GLDC: variants seen among roughly 807,000 people sequenced by gnomAD.
GLDC encodes the protein glycine decarboxylase, also known as glycine dehydrogenase (decarboxylating), mitochondrial.
GLDC carries 104 observed loss-of-function variants against 121.3 expected under a neutral mutation model. The observed-to-expected ratio is 0.86, with a 90% CI of 0.73 to 1.01. GLDC has a LOEUF of 1.01. Among genes scored for constraint, GLDC ranks in the 50% least tolerant of loss-of-function variants. The probability of loss-of-function intolerance (pLI) is 0.00; values close to 1 mark genes in which losing one functional copy is unlikely to be tolerated. For synonymous variants in GLDC, 546 were observed against 480.6 expected, an observed-to-expected ratio of 1.14 and a Z score of -1.78; for missense variants, 1,429 against 1,306.6, an observed-to-expected ratio of 1.09 and a Z score of -1.44.
chr9:6,559,692 G>A (rs773812649), intron 16 of GLDC, among the ~76,000 whole-genome samples: 2 of 151,634 alleles, frequency 1.3e-5, no homozygotes, highest in Non-Finnish European at 2.9e-5. Flanking sequence ...ACGCACGCCT[G>A]TAGTCCCAGC....
Position 6,595,071 on chromosome 9 carries a change from G to C in GLDC, c.1204C>G (p.His402Asp). Reference protein sequence around the residue: ...AAMFAIYHGSHGLEHIARRVH... With the variant: ...AAMFAIYHGSDGLEHIARRVH... ...CTCCTAGCAATATGCTCCAGCCCAT[G>C]GGAACCATGGTAGATTGCAAACATG... Residue 402 changes from histidine (H) to aspartate (D), a missense_variant, in exon 9 of 25, where the codon CAT becomes GAT. Transcript: ENST00000321612. 2 of 1,613,474 alleles carry C rather than the reference G, an allele frequency of 1.2e-6. No individual in the cohort carries two copies. The highest frequency in any genetic ancestry group is 1.7e-6 in the Non-Finnish European group (2 of 1,179,426).
intron 3 of GLDC, among the ~76,000 whole-genome samples, chr9:6,611,283 G>A (rs950100931): frequency 1.3e-5 from 2 of 152,220 alleles, no homozygotes; most frequent in Non-Finnish European, 2.9e-5. Context: ...CATCCTTACA[G>A]GCGAGAGCTA....
intron 3 of GLDC, among the ~76,000 whole-genome samples, chr9:6,618,536 G>A (rs927759356): frequency 1.3e-5 from 2 of 152,042 alleles, no homozygotes; most frequent in Non-Finnish European, 2.9e-5. Context: ...CAAACTCCCA[G>A]TCTCAGATGA....
chr9:6,567,135 TAAAA>T (rs58461989), intron 15 of GLDC: 1 of 137,012 alleles, frequency 7.3e-6, no homozygotes, highest in African/African-American at 2.7e-5. Context: ...AAATAAAAAA[TAAAA>T]AAAAAAAGAA....
intron 21 of GLDC, among the ~76,000 whole-genome samples, chr9:6,548,270 G>A (rs7863638): frequency 0.73 from 111,736 of 152,174 alleles, 42,217 homozygotes; most frequent in East Asian, 0.97. Flanking sequence ...CAAAATGTCC[G>A]TGTTGAGCAT....
intron 22 of GLDC, among the ~76,000 whole-genome samples, chr9:6,539,229 G>A (rs867097392): frequency 4.6e-5 from 7 of 152,104 alleles, no homozygotes; most frequent in Non-Finnish European, 1.0e-4. Context: ...TGTAATCCCA[G>A]CACTTTCGGA....
intron 1 of GLDC, chr9:6,644,951 T>A: frequency 1.6e-6 from 1 of 611,044 alleles, no homozygotes; most frequent in Non-Finnish European, 2.9e-6. Flanking sequence ...AATCAGGGGG[T>A]CTTCCTCCTC....
intron 9 of GLDC, among the ~76,000 whole-genome samples, chr9:6,593,733 C>T (rs1209358774): frequency 3.4e-5 from 5 of 148,772 alleles, no homozygotes; most frequent in Admixed American, 1.4e-4. Flanking sequence ...CACTCTGTTG[C>T]CCAGGATGGA....
At chr9:6,549,087 A>C (rs1222537344) in intron 21 of GLDC, among the ~76,000 whole-genome samples, 2 of 152,218 alleles carry the variant, frequency 1.3e-5, no homozygotes, top group East Asian at 3.8e-4. Context: ...TAATTGTTAT[A>C]GACAAAGGTT....
intron 22 of GLDC, among the ~76,000 whole-genome samples, chr9:6,537,099 C>T (rs950480762): frequency 1.4e-4 from 21 of 151,214 alleles, no homozygotes; most frequent in African/African-American, 4.1e-4. Context: ...GGCACACTCA[C>T]GGCTCACTGC....
At chr9:6,560,931 G>A (rs187517103) in intron 16 of GLDC, among the ~76,000 whole-genome samples, 1 of 152,340 alleles carries the variant, frequency 6.6e-6, no homozygotes, top group African/African-American at 2.4e-5. Flanking sequence ...GGAAGCAGAG[G>A]GAGATGGGAC....
chr9:6,618,967 C>A (rs1819022003), intron 3 of GLDC, among the ~76,000 whole-genome samples: 1 of 151,624 alleles, frequency 6.6e-6, no homozygotes, highest in South Asian at 2.1e-4. Context: ...GATGGTGAAA[C>A]CCCGTCTCTA....
intron 16 of GLDC, among the ~76,000 whole-genome samples, chr9:6,559,772 G>A (rs542305026): frequency 5.9e-5 from 9 of 151,558 alleles, no homozygotes; most frequent in East Asian, 1.9e-4. Context: ...CCGAGATCGC[G>A]CCATTGCACT....
At chr9:6,632,690 G>C (rs1489021256) in intron 2 of GLDC, among the ~76,000 whole-genome samples, 1 of 152,162 alleles carries the variant, frequency 6.6e-6, no homozygotes, top group African/African-American at 2.4e-5. Flanking sequence ...GGTTCAGCCC[G>C]GGCCCTCACT....
At chr9:6,546,181 T>TCAC (rs1817384342) in intron 21 of GLDC, among the ~76,000 whole-genome samples, 1 of 151,502 alleles carries the variant, frequency 6.6e-6, no homozygotes, top group Non-Finnish European at 1.5e-5. Context: ...CTCAATATCA[T>TCAC]TGTCTTCCAC....
chr9:6,595,170 G>T, intron 8 of GLDC, 51 bp from the exon 9 acceptor site: 1 of 1,184,040 alleles, frequency 8.4e-7, no homozygotes, highest in Non-Finnish European at 1.3e-6. Context: ...CAATTAGTGG[G>T]AGGGTGTAAT....
At chr9:6,626,650 A>T (rs1819245052) in intron 2 of GLDC, among the ~76,000 whole-genome samples, 1 of 143,428 alleles carries the variant, frequency 7.0e-6, no homozygotes, top group African/African-American at 2.6e-5. Context: ...AAGTCCCTAG[A>T]CTCTCAAGTA....
chr9:6,585,689 T>G (rs1818255586), intron 15 of GLDC, among the ~76,000 whole-genome samples: 1 of 152,182 alleles, frequency 6.6e-6, no homozygotes, highest in African/African-American at 2.4e-5. Flanking sequence ...AGGGGTCAAC[T>G]CTGAGGCTGC....
chr9:6,629,958 T>TATATATATATATGTATA, intron 2 of GLDC, among the ~76,000 whole-genome samples: 2 of 78,678 alleles, frequency 2.5e-5, no homozygotes, highest in South Asian at 4.3e-4. Context: ...TATATATATA[T>TATATATATATATGTATA]TTTTTTTTTT....
Sources: gnomAD v4.1 joint callset for allele counts (sites outside exome capture counted in the v4.1 genomes callset) on GRCh38, gnomAD v4.1.1 for gene constraint, MANE v1.5 for transcripts, NCBI Gene and HGNC (gene_info 2026-07-23, HGNC 2026-07-21) for gene names.